PLOD2: variants seen among roughly 807,000 people sequenced by gnomAD.
The protein encoded by PLOD2 is lysine hydroxylase 2.
PLOD2 carries 65 observed loss-of-function variants against 101.0 expected under a neutral mutation model. The ratio of observed to expected loss-of-function variants is 0.64; its 90% confidence interval spans 0.53 to 0.79. The LOEUF is 0.79. Ranked by LOEUF, PLOD2 falls within the 30% of genes least tolerant of loss-of-function variation. The pLI is 0.00. For missense variants in PLOD2, 909 were observed against 914.6 expected (o/e 0.99, Z 0.08); for synonymous variants, 314 against 302.9 (o/e 1.04, Z -0.38).
intron 7 of PLOD2, among the ~76,000 whole-genome samples, chr3:146,093,448 TAAA>T (rs1489602471): frequency 1.3e-5 from 2 of 152,136 alleles, no homozygotes; most frequent in East Asian, 3.9e-4. Flanking sequence ...GTCTTGATAA[TAAA>T]AACAGAAATA....
At chr3:146,117,163 C>T (rs923280105) in intron 3 of PLOD2, among the ~76,000 whole-genome samples, 1 of 152,066 alleles carries the variant, frequency 6.6e-6, no homozygotes, top group Admixed American at 6.6e-5. Flanking sequence ...TCTTAAAAGG[C>T]TCATCTAAAC....
At chr3:146,152,002 C>T (rs1448047730) in intron 1 of PLOD2, among the ~76,000 whole-genome samples, 1 of 152,116 alleles carries the variant, frequency 6.6e-6, no homozygotes, top group Non-Finnish European at 1.5e-5. Context: ...ATTTGTAAAG[C>T]TTAGCTAAAT....
intron 8 of PLOD2, among the ~76,000 whole-genome samples, chr3:146,089,260 T>C (rs1288095199): frequency 6.6e-6 from 1 of 151,518 alleles, no homozygotes; most frequent in African/African-American, 2.4e-5. Flanking sequence ...TATCTTAATG[T>C]ATATATTTTA....
At chr3:146,138,330 C>T (rs966840136) in intron 1 of PLOD2, among the ~76,000 whole-genome samples, 3 of 127,824 alleles carry the variant, frequency 2.3e-5, no homozygotes, top group Non-Finnish European at 5.3e-5. Flanking sequence ...TATTCCAATA[C>T]AGGGAACCAA....
Position 146,109,360 on chromosome 3 carries a change from A to G in PLOD2, c.502+925T>C, listed in dbSNP as rs568667258. Among the ~76,000 whole-genome samples the G allele has an allele frequency of 2.0e-5, 3 of 152,324 alleles. No individual in the cohort carries two copies. The South Asian group carries it at 6.2e-4, about 32-fold the overall frequency. On this transcript the variant is annotated intron_variant, in intron 4 of 19. Coordinates refer to ENST00000282903, the MANE Select transcript of PLOD2 (RefSeq NM_182943.3). ...CAAAGTTCCAAGGTACAACTGTGGG[A>G]ATATGTTGATAAAATAAAGTGCAGG...
rs1398409408 is a variant in PLOD2 at position 146,070,067 on chromosome 3, T to C, written c.*650A>G. On this transcript the variant is annotated 3_prime_UTR_variant, in exon 20 of 20. Transcript: ENST00000282903. ...CATCTGAAAGAAACATAGGGTTTGA[T>C]TTTTAATACTAATATAAAATAATCT... 2 of 151,920 alleles carry C rather than the reference T, an allele frequency of 1.3e-5. No individual in the cohort carries two copies. The highest frequency in any genetic ancestry group is 1.9e-4 in the East Asian group (1 of 5,184). 9.4% of individuals were successfully genotyped at this position (151,920 alleles called of 1,614,324 possible).
Position 146,070,059 on chromosome 3 carries a change from G to C in PLOD2, c.*658C>G, listed in dbSNP as rs1276477454. On this transcript the variant is annotated 3_prime_UTR_variant, in exon 20 of 20. Transcript: ENST00000282903. ...GGAAGATTCATCTGAAAGAAACATAGGGTTTGATTTTTAATACTAATATAA... is the reference window on the plus strand; with the variant it reads ...GGAAGATTCATCTGAAAGAAACATACGGTTTGATTTTTAATACTAATATAA... The C allele has an allele frequency of 6.6e-6, 1 of 151,796 alleles. No individual in the cohort carries two copies. The highest frequency in any genetic ancestry group is 2.4e-5 in the African/African-American group (1 of 41,392). The allele number at this position is 151,796 out of a possible 1,614,324, so 9.4% of individuals were successfully genotyped here.
At chr3:146,094,870 GATAT>G (rs957913136) in intron 7 of PLOD2, among the ~76,000 whole-genome samples, 1 of 152,110 alleles carries the variant, frequency 6.6e-6, no homozygotes, top group African/African-American at 2.4e-5. Context: ...TAACAAAACA[GATAT>G]ATAGACCAAT....
intron 1 of PLOD2, among the ~76,000 whole-genome samples, chr3:146,149,855 C>G (rs1013533883): frequency 6.6e-6 from 1 of 152,058 alleles, no homozygotes; most frequent in Non-Finnish European, 1.5e-5. Context: ...CACACTCTTT[C>G]CCTTCCAGTT....
At chr3:146,113,061 G>A (rs1937720928) in intron 3 of PLOD2, among the ~76,000 whole-genome samples, 2 of 151,974 alleles carry the variant, frequency 1.3e-5, no homozygotes, top group Admixed American at 6.6e-5. Context: ...CCCTAATGAT[G>A]GATACAGATT....
At chr3:146,083,434 A>G (rs1936632813) in intron 11 of PLOD2, among the ~76,000 whole-genome samples, 1 of 152,206 alleles carries the variant, frequency 6.6e-6, no homozygotes, top group Non-Finnish European at 1.5e-5. Context: ...AGACTATAGA[A>G]ACCACATGTC....
chr3:146,149,993 A>G (rs1382164580), intron 1 of PLOD2, among the ~76,000 whole-genome samples: 1 of 152,176 alleles, frequency 6.6e-6, no homozygotes, highest in Non-Finnish European at 1.5e-5. Context: ...TGTACCACTC[A>G]CTAGATATGC....
chr3:146,102,164 C>T (rs1047552297), intron 7 of PLOD2, among the ~76,000 whole-genome samples: 1 of 152,138 alleles, frequency 6.6e-6, no homozygotes, highest in African/African-American at 2.4e-5. Context: ...TTTTTCAATG[C>T]AATTTATGTT....
chr3:146,143,480 CT>C (rs760718506), intron 1 of PLOD2, among the ~76,000 whole-genome samples: 2 of 152,074 alleles, frequency 1.3e-5, no homozygotes, highest in Non-Finnish European at 2.9e-5. Flanking sequence ...GATCCAGCCT[CT>C]CCTAACCATC....
chr3:146,128,897 TTTTTTTTTTTTTG>T (rs2030742545), intron 1 of PLOD2, among the ~76,000 whole-genome samples: 1 of 141,952 alleles, frequency 7.0e-6, no homozygotes, highest in Admixed American at 7.1e-5. Flanking sequence ...TTTTTTTTTT[TTTTTTTTTTTTTG>T]AGACGGAGTC....
chr3:146,094,933 T>A (rs1462446918), intron 7 of PLOD2, among the ~76,000 whole-genome samples: 1 of 152,198 alleles, frequency 6.6e-6, no homozygotes, highest in East Asian at 1.9e-4. Context: ...TACAACCATC[T>A]GATCTTCGAC....
rs1936210267 is a variant in PLOD2, at chr3:146,073,130, T to C, written c.1743+157A>G. Among the ~76,000 whole-genome samples, 5 of 151,686 alleles carry C rather than the reference T, an allele frequency of 3.3e-5. 1 individual carries two copies. In the South Asian group the frequency reaches 1.0e-3, roughly 31 times the overall value. ...CTATGTTCTACATTTTACAACTGTA[T>C]GTTCCTTAATGCTATTTAATCAGTA... On this transcript the variant is annotated intron_variant, in intron 16 of 19. Coordinates refer to ENST00000282903, the MANE Select transcript of PLOD2 (RefSeq NM_182943.3).
intron 1 of PLOD2, among the ~76,000 whole-genome samples, chr3:146,148,338 G>GCACGCACACACACACACACA (rs1553742438): frequency 1.4e-5 from 2 of 146,448 alleles, no homozygotes; most frequent in African/African-American, 2.5e-5. Context: ...AGGCAGGCAC[G>GCACGCACACACACACACACA]CACACACACA....
intron 7 of PLOD2, among the ~76,000 whole-genome samples, chr3:146,096,151 G>T (rs944701132): frequency 2.7e-5 from 4 of 149,288 alleles, no homozygotes; most frequent in Non-Finnish European, 6.0e-5. Context: ...GGCCTCCCGA[G>T]GTGCCGGGAT....
Sources: allele counts gnomAD v4.1 joint callset (sites outside exome capture counted in the v4.1 genomes callset), GRCh38; gene constraint gnomAD v4.1.1; transcripts MANE v1.5; gene names NCBI Gene and HGNC (gene_info 2026-07-23, HGNC 2026-07-21).